MAGI2: variants seen among roughly 807,000 people sequenced by gnomAD.
MAGI2 encodes membrane-associated guanylate kinase, WW and PDZ domain-containing protein 2.
In MAGI2, 35 loss-of-function variants were observed where a neutral mutation model predicts 133.3. The ratio of observed to expected loss-of-function variants is 0.26; its 90% confidence interval spans 0.20 to 0.35. The LOEUF (loss-of-function observed/expected upper bound fraction) is 0.35, where lower values mean the gene tolerates loss of function less well. Among genes scored for constraint, MAGI2 ranks in the 10% least tolerant of loss-of-function variants. The probability of loss-of-function intolerance (pLI) is 1.00; values close to 1 mark genes in which losing one functional copy is unlikely to be tolerated. For synonymous variants in MAGI2, 729 were observed against 710.6 expected (o/e 1.03, Z -0.41); for missense variants, 1,636 against 1,863.4 (o/e 0.88, Z 2.25).
At chr7:78,858,064 T>C (rs1193199866) in intron 2 of MAGI2, among the ~76,000 whole-genome samples, 1 of 152,200 alleles carries the variant, frequency 6.6e-6, no homozygotes, top group East Asian at 1.9e-4. Flanking sequence ...TATTCTCTGA[T>C]GGTAGTTTGT....
intron 1 of MAGI2, among the ~76,000 whole-genome samples, chr7:79,339,347 G>A (rs1039318449): frequency 6.6e-6 from 1 of 151,786 alleles, no homozygotes; most frequent in East Asian, 1.9e-4. Flanking sequence ...ATTACTTAAT[G>A]TATCAGTTTT....
At chr7:78,237,517 A>G (rs1047901800) in intron 10 of MAGI2, among the ~76,000 whole-genome samples, 5 of 152,208 alleles carry the variant, frequency 3.3e-5, no homozygotes, top group Admixed American at 2.0e-4. Context: ...AATGAATGCA[A>G]TTTCCCTGCC....
chr7:78,479,413 C>G (rs1018646781), intron 6 of MAGI2, among the ~76,000 whole-genome samples: 10 of 151,902 alleles, frequency 6.6e-5, no homozygotes, highest in African/African-American at 2.2e-4. Context: ...AAAATACTTT[C>G]CATCCTACAG....
intron 2 of MAGI2, among the ~76,000 whole-genome samples, chr7:78,716,203 C>A (rs1161289308): frequency 6.6e-6 from 1 of 152,190 alleles, no homozygotes; most frequent in Non-Finnish European, 1.5e-5. Flanking sequence ...TCCCACAGAG[C>A]CACCTTTCAA....
At chr7:78,264,538 T>G (rs553562629) in intron 9 of MAGI2, among the ~76,000 whole-genome samples, 4 of 152,292 alleles carry the variant, frequency 2.6e-5, no homozygotes, top group African/African-American at 7.2e-5. Flanking sequence ...GAATCCACTG[T>G]ATTTGCTAGG....
intron 9 of MAGI2, among the ~76,000 whole-genome samples, chr7:78,302,900 C>T (rs747186623): frequency 2.0e-5 from 3 of 152,150 alleles, no homozygotes; most frequent in Non-Finnish European, 2.9e-5. Flanking sequence ...GCACATCCAT[C>T]TATTCCTTCA....
intron 2 of MAGI2, among the ~76,000 whole-genome samples, chr7:78,737,534 T>C (rs1011105955): frequency 2.6e-5 from 4 of 152,164 alleles, no homozygotes; most frequent in African/African-American, 7.2e-5. Context: ...TCCTTCCTTT[T>C]CCAACTGCAT....
intron 2 of MAGI2, among the ~76,000 whole-genome samples, chr7:78,964,430 G>A (rs1025302485): frequency 5.3e-5 from 8 of 151,924 alleles, no homozygotes; most frequent in African/African-American, 1.2e-4. Context: ...CCACTAACTC[G>A]TGGTTTAATG....
At chr7:78,251,354 T>C (rs1225320733) in intron 10 of MAGI2, 5 of 152,180 alleles carry the variant, frequency 3.3e-5, no homozygotes, top group Admixed American at 3.3e-4. Context: ...CACTCAATAT[T>C]ATTCTGGGAA....
intron 1 of MAGI2, among the ~76,000 whole-genome samples, chr7:79,276,805 A>G (rs1407878854): frequency 6.6e-6 from 1 of 152,078 alleles, no homozygotes; most frequent in Non-Finnish European, 1.5e-5. Flanking sequence ...CTTTACAAAA[A>G]AATTCAAAAA....
intron 1 of MAGI2, among the ~76,000 whole-genome samples, chr7:79,026,817 T>A (rs1215047918): frequency 1.3e-5 from 2 of 150,136 alleles, no homozygotes; most frequent in African/African-American, 4.9e-5. Flanking sequence ...GAGGTTGCAG[T>A]AAGCCAAGAT....
chr7:78,975,799 G>A (rs1199570618), intron 2 of MAGI2, among the ~76,000 whole-genome samples: 3 of 151,476 alleles, frequency 2.0e-5, no homozygotes, highest in Admixed American at 1.3e-4. Context: ...AAAGGGAGAT[G>A]ATACAAATGG....
chr7:78,499,495 T>C (rs887295895), intron 5 of MAGI2, among the ~76,000 whole-genome samples: 6 of 152,222 alleles, frequency 3.9e-5, no homozygotes, highest in East Asian at 1.9e-4. Flanking sequence ...TGACGAGTCA[T>C]AGAATCATTT....
intron 1 of MAGI2, among the ~76,000 whole-genome samples, chr7:79,136,031 A>C: frequency 7.2e-6 from 1 of 139,508 alleles, no homozygotes; most frequent in East Asian, 2.0e-4. Context: ...GAAAGAAGGA[A>C]AGAAAGAAAG....
At chr7:79,119,413 G>C (rs1230094686) in intron 1 of MAGI2, among the ~76,000 whole-genome samples, 3 of 152,048 alleles carry the variant, frequency 2.0e-5, no homozygotes, top group Admixed American at 6.6e-5. Context: ...TGAGAAAGGG[G>C]AATGAATACC....
At chr7:78,384,021 G>A (rs967988679) in intron 6 of MAGI2, among the ~76,000 whole-genome samples, 5 of 151,448 alleles carry the variant, frequency 3.3e-5, no homozygotes, top group African/African-American at 1.2e-4. Flanking sequence ...TTGAAGTCAG[G>A]TAAAGTGATG....
At chr7:78,290,436 G>A (rs1796584428) in intron 9 of MAGI2, among the ~76,000 whole-genome samples, 1 of 152,178 alleles carries the variant, frequency 6.6e-6, no homozygotes, top group South Asian at 2.1e-4. Context: ...GGAGCACCCA[G>A]ATTCATAAAG....
chr7:78,596,679 A>G lies in MAGI2; in HGVS notation c.538+30441T>C, dbSNP rs112725351. The stretch of plus-strand genomic sequence containing the variant: ...AAGTTTTAAATACAAACTCCAGGTG[A>G]TATCTAAATGCCTTTTGGGAAGTTC... On this transcript the variant is annotated intron_variant, in intron 3 of 21. Coordinates refer to ENST00000354212, the MANE Select transcript of MAGI2 (RefSeq NM_012301.4). Among the ~76,000 whole-genome samples the G allele has an allele frequency of 6.1e-3, 936 of 152,316 alleles. 6 individuals are homozygous for G. The highest frequency in any genetic ancestry group is 0.022 in the African/African-American group (895 of 41,576).
intron 21 of MAGI2, among the ~76,000 whole-genome samples, chr7:78,077,510 T>TA (rs1815452815): frequency 6.6e-6 from 1 of 151,874 alleles, no homozygotes; most frequent in African/African-American, 2.4e-5. Flanking sequence ...CAGAAACTTC[T>TA]GAATGCTTTT....
Sources: gnomAD v4.1 joint callset for allele counts (sites outside exome capture counted in the v4.1 genomes callset) on GRCh38, gnomAD v4.1.1 for gene constraint, MANE v1.5 for transcripts, NCBI Gene and HGNC (gene_info 2026-07-23, HGNC 2026-07-21) for gene names.